SPSB1: variants seen among roughly 807,000 people sequenced by gnomAD.
SPSB1 encodes the protein SPRY domain-containing SOCS box protein 1.
A neutral mutation model predicts 21.2 loss-of-function variants in SPSB1; 8 were observed. The ratio of observed to expected loss-of-function variants is 0.38; its 90% CI spans 0.22 to 0.68. SPSB1 has a LOEUF of 0.68. Ranked by LOEUF, SPSB1 falls within the 30% of genes least tolerant of loss-of-function variation. The pLI is 0.53. For synonymous variants in SPSB1, 169 were observed against 161.7 expected, an observed-to-expected ratio of 1.05 and a Z score of -0.34; for missense variants, 242 against 377.8, an observed-to-expected ratio of 0.64 and a Z score of 2.98.
Position 9,367,533 on chromosome 1 carries a change from G to C in SPSB1, c.780G>C (p.Leu260=). The part of the protein sequence containing the change: ...GRERLGEIHT[L]PLPASLKAYL... The stretch of plus-strand genomic sequence containing the variant: ...AGCGCCTGGGGGAGATCCACACGCT[G>C]CCGCTGCCGGCTTCCCTCAAGGCCT... The change falls in exon 3 of 3, where the codon CTG becomes CTC. Residue 260 remains leucine, a synonymous_variant. Transcript: ENST00000328089. The surrounding 1 kb of genome is among the most constrained non-coding windows in gnomAD (Gnocchi z 5.9). The C allele has an allele frequency of 6.2e-7, 1 of 1,612,840 alleles. No homozygotes were observed. Among genetic ancestry groups the C allele is most frequent in the Non-Finnish European group, 8.5e-7 (1 of 1,179,492 alleles).
Position 9,330,899 on chromosome 1 carries a change from C to T in SPSB1, c.-149-24844C>T, listed in dbSNP as rs573220709. Among the ~76,000 whole-genome samples, 3 of 152,020 alleles carry T rather than the reference C, an allele frequency of 2.0e-5. No homozygotes were observed. The South Asian group carries it at 6.3e-4, about 32-fold the overall frequency. ...CAGTGATACCCAAGGGTTCCGGTTT[C>T]TCCACATCCTTGCCAACACTTGTAA... On this transcript the variant is annotated intron_variant, in intron 1 of 2. Coordinates refer to ENST00000328089, the MANE Select transcript of SPSB1 (RefSeq NM_025106.4).
intron 1 of SPSB1, among the ~76,000 whole-genome samples, chr1:9,343,465 T>G (rs1267565590): frequency 6.6e-6 from 1 of 152,254 alleles, no homozygotes; most frequent in African/African-American, 2.4e-5. Context: ...CTGAATAATA[T>G]TCCACTGAAT....
intron 1 of SPSB1, among the ~76,000 whole-genome samples, chr1:9,303,981 G>T (rs1639372994): frequency 6.6e-6 from 1 of 152,236 alleles, no homozygotes; most frequent in Admixed American, 6.5e-5. Flanking sequence ...TGCCCCAGGT[G>T]TGTCTGTGAG....
At chr1:9,362,796 A>G (rs1640502039) in intron 2 of SPSB1, among the ~76,000 whole-genome samples, 1 of 152,226 alleles carries the variant, frequency 6.6e-6, no homozygotes. Flanking sequence ...TGTCTCTTCC[A>G]GTTCCTCAGG....
rs556056421 is a variant in SPSB1 at position 9,358,934 on chromosome 1, G to A, written c.694+2349G>A. ...GCAGACACATGTCCTGTGAATAGGC[G>A]ATTTCCTGCTTAGTTAGCTCTGCAT... On this transcript the variant is annotated intron_variant, in intron 2 of 2. Coordinates refer to ENST00000328089, the MANE Select transcript of SPSB1 (RefSeq NM_025106.4). 3.9e-5 allele frequency among the ~76,000 whole-genome samples: 6 copies of A among 152,336 alleles called. No homozygotes were observed. In the East Asian group the frequency reaches 1.2e-3, roughly 29 times the overall value.
intron 1 of SPSB1, among the ~76,000 whole-genome samples, chr1:9,329,604 G>A (rs1229573635): frequency 6.6e-6 from 1 of 150,706 alleles, no homozygotes; most frequent in Admixed American, 6.7e-5. Context: ...TGAGGCAGGA[G>A]AATCCCTTGA....
intron 1 of SPSB1, among the ~76,000 whole-genome samples, chr1:9,325,641 A>G (rs1469163686): frequency 2.0e-5 from 3 of 152,166 alleles, no homozygotes; most frequent in African/African-American, 7.2e-5. Context: ...GCACAGTGTG[A>G]ACAAGACTGA....
At chr1:9,325,225 A>ACCC (rs33978312) in intron 1 of SPSB1, among the ~76,000 whole-genome samples, 41 of 133,712 alleles carry the variant, frequency 3.1e-4, no homozygotes, top group Admixed American at 1.4e-3. Context: ...TCCCACCACC[A>ACCC]CCCCCCCCCC....
At chr1:9,353,331 T>C (rs974321799) in intron 1 of SPSB1, among the ~76,000 whole-genome samples, 1 of 151,896 alleles carries the variant, frequency 6.6e-6, no homozygotes, top group Non-Finnish European at 1.5e-5. Context: ...CCCCCTTCCC[T>C]CCCGCAGCTT....
intron 1 of SPSB1, among the ~76,000 whole-genome samples, chr1:9,306,589 C>T (rs1380763840): frequency 6.6e-6 from 1 of 152,126 alleles, no homozygotes; most frequent in East Asian, 1.9e-4. Flanking sequence ...AAAACTAGGG[C>T]AACTCTGGGC....
intron 1 of SPSB1, among the ~76,000 whole-genome samples, chr1:9,334,965 G>T (rs1446173324): frequency 1.3e-5 from 2 of 152,188 alleles, no homozygotes; most frequent in Non-Finnish European, 2.9e-5. Flanking sequence ...CGGGTTGCTT[G>T]CACCTTTTGG....
intron 1 of SPSB1, among the ~76,000 whole-genome samples, chr1:9,353,188 AGCCCGCCCGGCCCCTCGAGAGCCGCCTCG>A (rs1010962719): frequency 6.6e-6 from 1 of 151,596 alleles, no homozygotes; most frequent in Non-Finnish European, 1.5e-5. Context: ...GAGCCGCCTC[AGCCCGCCCGGCCCCTCGAGAGCCGCCTCG>A]GCCCTCCCAG....
rs923931549 is a variant in SPSB1, at chr1:9,315,942, G to A, written c.-150+22871G>A. Among the ~76,000 whole-genome samples, 5 of 152,216 alleles carry A rather than the reference G, an allele frequency of 3.3e-5. 1 individual carries two copies. Among genetic ancestry groups the A allele is most frequent in the Admixed American group, 2.0e-4 (3 of 15,286 alleles). ...GGCTCGCCAGTTACGGGTTTCACGC[G>A]TGCGGCTCCGGGCATCCTGGTGCAG... On this transcript the variant is annotated intron_variant, in intron 1 of 2. Transcript: ENST00000328089.
intron 1 of SPSB1, among the ~76,000 whole-genome samples, chr1:9,312,639 T>G (rs1301049623): frequency 1.3e-5 from 2 of 151,900 alleles, no homozygotes; most frequent in South Asian, 4.2e-4. Context: ...CAGCACGGAG[T>G]TTTGTTGGAC....
At chr1:9,351,826 C>CA (rs1253082073) in intron 1 of SPSB1, among the ~76,000 whole-genome samples, 5 of 152,166 alleles carry the variant, frequency 3.3e-5, no homozygotes, top group African/African-American at 1.2e-4. Context: ...GCCCTAGGGC[C>CA]ACCACAGTGA....
At chr1:9,354,134 G>A (rs1472771298) in intron 1 of SPSB1, among the ~76,000 whole-genome samples, 1 of 152,146 alleles carries the variant, frequency 6.6e-6, no homozygotes, top group Non-Finnish European at 1.5e-5. Context: ...CCACTGCAGA[G>A]CCTGGCCCTG....
chr1:9,323,089 G>C (rs115353938), intron 1 of SPSB1, among the ~76,000 whole-genome samples: 1 of 152,192 alleles, frequency 6.6e-6, no homozygotes, highest in Non-Finnish European at 1.5e-5. Flanking sequence ...CCCCTCCCCA[G>C]CTCCGGCCTT....
chr1:9,316,559 G>A (rs554484188), intron 1 of SPSB1, among the ~76,000 whole-genome samples: 39 of 152,186 alleles, frequency 2.6e-4, no homozygotes, highest in Non-Finnish European at 3.7e-4. Context: ...GGCGAGGAGG[G>A]GGGGGCTGAT....
chr1:9,343,832 C>T (rs1188652172), intron 1 of SPSB1, among the ~76,000 whole-genome samples: 2 of 152,152 alleles, frequency 1.3e-5, no homozygotes, highest in Non-Finnish European at 2.9e-5. Flanking sequence ...GTTGCCTAGG[C>T]TGGAGTGCAG....
Sources: gnomAD v4.1 joint callset for allele counts (sites outside exome capture counted in the v4.1 genomes callset) on GRCh38, gnomAD v4.1.1 for gene constraint, Gnocchi (gnomAD v3.1) non-coding constraint, MANE v1.5 for transcripts, NCBI Gene and HGNC (gene_info 2026-07-23, HGNC 2026-07-21) for gene names.